Variants in PPP1R16B observed in about 807,000 individuals in gnomAD.
PPP1R16B encodes the protein protein phosphatase 1 regulatory subunit 16B, also known as protein phosphatase 1 regulatory inhibitor subunit 16B.
In PPP1R16B, 14 loss-of-function variants were observed where a neutral mutation model predicts 61.7. That is an observed-to-expected ratio of 0.23 (90% CI 0.15 to 0.35). PPP1R16B has a LOEUF of 0.35. Among genes scored for constraint, PPP1R16B ranks in the 10% least tolerant of loss-of-function variants. PPP1R16B has a pLI of 1.00. For missense variants in PPP1R16B, 547 were observed against 752.5 expected (o/e 0.73, Z 3.19); for synonymous variants, 266 against 305.3 (o/e 0.87, Z 1.34).
Position 38,908,030 on chromosome 20 carries a change from A to T in PPP1R16B, c.1031A>T (p.Lys344Met). 1 of 1,614,204 alleles carries T rather than the reference A, an allele frequency of 6.2e-7. No individual in the cohort carries two copies. The highest frequency in any genetic ancestry group is 8.5e-7 in the Non-Finnish European group (1 of 1,180,018). ...TAGGACCCACTTTGTCCTCTCAGGA[A>T]GGTGGTGCGGCGAGCCAGCCTGTCG... ...RRTSSAGSRG[K>M]VVRRASLSDR... The change falls in exon 10 of 11, where the codon AAG becomes ATG. Residue 344 changes from lysine to methionine, a missense_variant and splice_region_variant. Coordinates refer to ENST00000299824, the MANE Select transcript of PPP1R16B (RefSeq NM_015568.4).
At chr20:38,846,920 T>A (rs1169131548) in intron 2 of PPP1R16B, among the ~76,000 whole-genome samples, 1 of 152,092 alleles carries the variant, frequency 6.6e-6, no homozygotes, top group Non-Finnish European at 1.5e-5. Flanking sequence ...TGGGAGGAAC[T>A]TTTGAGCCCA....
intron 1 of PPP1R16B, among the ~76,000 whole-genome samples, chr20:38,819,775 A>G (rs2145708369): frequency 6.6e-6 from 1 of 152,186 alleles, no homozygotes; most frequent in East Asian, 1.9e-4. Context: ...TGGGACCCAG[A>G]GAGCAGTATT....
chr20:38,878,700 TG>T (rs1343064912), intron 2 of PPP1R16B, among the ~76,000 whole-genome samples: 1 of 152,206 alleles, frequency 6.6e-6, no homozygotes, highest in Non-Finnish European at 1.5e-5. Context: ...TGTAACATCC[TG>T]GTACAGTGCC....
chr20:38,869,021 T>G (rs1382613229), intron 2 of PPP1R16B, among the ~76,000 whole-genome samples: 1 of 152,152 alleles, frequency 6.6e-6, no homozygotes, highest in Non-Finnish European at 1.5e-5. Context: ...AGTTCCCCTG[T>G]GTCCCTTCCC....
At chr20:38,871,251 G>T (rs1201358059) in intron 2 of PPP1R16B, among the ~76,000 whole-genome samples, 1 of 152,058 alleles carries the variant, frequency 6.6e-6, no homozygotes, top group African/African-American at 2.4e-5. Flanking sequence ...TATGCAAGAA[G>T]AAAACTGACC....
chr20:38,843,563 G>T (rs75121625), intron 2 of PPP1R16B, among the ~76,000 whole-genome samples: 2 of 152,168 alleles, frequency 1.3e-5, no homozygotes, highest in Non-Finnish European at 2.9e-5. Flanking sequence ...AGAGGAATCC[G>T]CAATGCCTTT....
At chr20:38,836,549 G>C (rs965997100) in intron 2 of PPP1R16B, among the ~76,000 whole-genome samples, 3 of 152,104 alleles carry the variant, frequency 2.0e-5, no homozygotes, top group Non-Finnish European at 4.4e-5. Context: ...TAGAGATGGG[G>C]GTCTCATTCT....
chr20:38,875,784 G>A (rs4812331), intron 2 of PPP1R16B, among the ~76,000 whole-genome samples: 1 of 151,856 alleles, frequency 6.6e-6, no homozygotes, highest in African/African-American at 2.4e-5. Context: ...AGAAGCAACA[G>A]CAGGCTCTCG....
chr20:38,834,815 A>G (rs2084859113), intron 1 of PPP1R16B, among the ~76,000 whole-genome samples: 1 of 152,140 alleles, frequency 6.6e-6, no homozygotes, highest in African/African-American at 2.4e-5. Flanking sequence ...TTAGACTGTT[A>G]TAAAAGCATA....
At chr20:38,854,945 A>G (rs1175613454) in intron 2 of PPP1R16B, among the ~76,000 whole-genome samples, 1 of 152,206 alleles carries the variant, frequency 6.6e-6, no homozygotes, top group Non-Finnish European at 1.5e-5. Context: ...TCTATCAGTC[A>G]GTCACATAAA....
chr20:38,906,565 G>C (rs938188824), intron 7 of PPP1R16B, among the ~76,000 whole-genome samples: 1 of 152,150 alleles, frequency 6.6e-6, no homozygotes, highest in Non-Finnish European at 1.5e-5. Flanking sequence ...AAAGTGCTGG[G>C]ATGCCACCAT....
chr20:38,885,089 C>G (rs989195997), intron 2 of PPP1R16B, among the ~76,000 whole-genome samples: 1 of 146,600 alleles, frequency 6.8e-6, no homozygotes, highest in African/African-American at 2.5e-5. Flanking sequence ...CGTGGTGACT[C>G]ATGCCTTAAA....
chr20:38,918,830 A>C lies in PPP1R16B; in HGVS notation c.*164A>C. ...CTCAGCTGGCTGCCCATAGCATCCC[A>C]TGTCCCACGTCCCGTGGTTCTGCTT... is the stretch of plus-strand genomic sequence containing the variant. On this transcript the variant is annotated 3_prime_UTR_variant, in exon 11 of 11. Transcript: ENST00000299824. This position sits in a 1 kb window ranked among gnomAD's most constrained non-coding sequence, Gnocchi z 5.3. 1 of 828,948 alleles carries C rather than the reference A, an allele frequency of 1.2e-6. No individual in the cohort carries two copies. The highest frequency in any genetic ancestry group is 1.7e-6 in the Non-Finnish European group (1 of 591,508). The allele number at this position is 828,948 out of a possible 1,614,324, so 51.3% of individuals were successfully genotyped here. A position where few individuals can be genotyped will look rare whatever the true frequency, so the allele number is the denominator to read the frequency against.
intron 2 of PPP1R16B, among the ~76,000 whole-genome samples, chr20:38,876,987 T>G (rs2085172332): frequency 6.6e-6 from 1 of 152,254 alleles, no homozygotes; most frequent in South Asian, 2.1e-4. Context: ...CCAGTTGAGA[T>G]TCCATTGAAT....
At chr20:38,901,593 A>G (rs930732534) in intron 5 of PPP1R16B, among the ~76,000 whole-genome samples, 11 of 152,118 alleles carry the variant, frequency 7.2e-5, no homozygotes, top group Non-Finnish European at 1.6e-4. Flanking sequence ...TATTTTTAGT[A>G]GAGACAGGAT....
intron 6 of PPP1R16B, among the ~76,000 whole-genome samples, chr20:38,905,186 A>G (rs2085429899): frequency 1.3e-5 from 2 of 152,234 alleles, no homozygotes. Flanking sequence ...TCTTTGGGTC[A>G]GAGAGTTAGG....
At chr20:38,871,174 A>G (rs898086479) in intron 2 of PPP1R16B, among the ~76,000 whole-genome samples, 1 of 152,066 alleles carries the variant, frequency 6.6e-6, no homozygotes, top group Non-Finnish European at 1.5e-5. Context: ...AACCTCCTGG[A>G]GCTTTGAGAA....
At chr20:38,910,764 G>T (rs560309856) in intron 10 of PPP1R16B, among the ~76,000 whole-genome samples, 1 of 152,050 alleles carries the variant, frequency 6.6e-6, no homozygotes, top group African/African-American at 2.4e-5. Context: ...TTGGGAGGCC[G>T]AGGTGGGTGG....
chr20:38,805,827 G>C (rs561517916), intron 1 of PPP1R16B, 35 bp downstream of exon 1: 1 of 152,478 alleles, frequency 6.6e-6, no homozygotes, highest in Admixed American at 6.5e-5. Flanking sequence ...CCCTCCTTGC[G>C]CTCTGCGGCT....
Sources: allele counts gnomAD v4.1 joint callset (sites outside exome capture counted in the v4.1 genomes callset), GRCh38; gene constraint gnomAD v4.1.1; non-coding constraint Gnocchi (gnomAD v3.1); transcripts MANE v1.5; gene names NCBI Gene and HGNC (gene_info 2026-07-23, HGNC 2026-07-21).